The following ZNF592 variants were observed in gnomAD, a reference collection of about 807,000 sequenced individuals.
ZNF592 encodes the protein zinc finger protein 592.
ZNF592 carries 11 observed loss-of-function variants against 80.3 expected under a neutral mutation model. That is an observed-to-expected ratio of 0.14 (90% CI 0.09 to 0.23). ZNF592 has a LOEUF of 0.23. Ranked by LOEUF, ZNF592 falls within the 10% of genes least tolerant of loss-of-function variation. The pLI is 1.00. For synonymous variants in ZNF592, 646 were observed against 640.3 expected (o/e 1.01, Z -0.13); for missense variants, 1,420 against 1,633.9 (o/e 0.87, Z 2.26).
At position 84,802,419 on chromosome 15, in the gene ZNF592, CA is replaced by C; in HGVS notation, c.*27del. 5.6e-6 allele frequency: 9 copies of C among 1,612,390 alleles called. No homozygotes were observed. Among genetic ancestry groups the C allele is most frequent in the African/African-American group, 1.3e-5 (1 of 75,022 alleles). ...CCGGAGACTTTGCAGTGTGCATGGTCAGGGGTGGTGCCGAAGTGTCTTCCAC... is the reference window on the plus strand; with the variant it reads ...CCGGAGACTTTGCAGTGTGCATGGTCGGGGTGGTGCCGAAGTGTCTTCCAC... On this transcript the variant is annotated 3_prime_UTR_variant, in exon 11 of 11. Transcript: ENST00000560079.
At chr15:84,776,527 G>A (rs994765576) in intron 2 of ZNF592, among the ~76,000 whole-genome samples, 2 of 152,118 alleles carry the variant, frequency 1.3e-5, no homozygotes, top group Non-Finnish European at 1.5e-5. Context: ...AGGCCAAGGT[G>A]GGTGGATCAC....
At position 84,783,929 on chromosome 15, in the gene ZNF592, C is replaced by T. The variant is rs777705206; in HGVS notation, c.1254C>T (p.Pro418=). The stretch of plus-strand genomic sequence containing the variant: ...TAGGGAGCGCCATTGCAGAGGCCCC[C>T]AGCGAGATGCCAGGGGATGAGGTGC... ...SPLGSAIAEA[P]SEMPGDEVPV... is the part of the protein sequence containing the mutation. The change falls in exon 4 of 11, where the codon CCC becomes CCT. Residue 418 remains proline, a synonymous_variant. Coordinates refer to ENST00000560079, the MANE Select transcript of ZNF592 (RefSeq NM_014630.3). The surrounding 1 kb of genome is among the most constrained non-coding windows in gnomAD (Gnocchi z 5.0). 1 of 1,614,086 alleles carries T rather than the reference C, an allele frequency of 6.2e-7. No homozygotes were observed. The highest frequency in any genetic ancestry group is 1.1e-5 in the South Asian group (1 of 91,088).
chr15:84,771,403 G>A (rs1044084773), intron 2 of ZNF592, among the ~76,000 whole-genome samples: 2 of 152,132 alleles, frequency 1.3e-5, no homozygotes, highest in South Asian at 2.1e-4. Context: ...GGGGTATCAG[G>A]TATTCTCTAG....
At chr15:84,765,300 A>G (rs1287692143) in intron 2 of ZNF592, among the ~76,000 whole-genome samples, 1 of 151,982 alleles carries the variant, frequency 6.6e-6, no homozygotes, top group Non-Finnish European at 1.5e-5. Flanking sequence ...TCCACCTTTG[A>G]GTGTTATGAA....
At chr15:84,759,577 T>A (rs754234745) in intron 1 of ZNF592, among the ~76,000 whole-genome samples, 3 of 152,044 alleles carry the variant, frequency 2.0e-5, no homozygotes, top group Non-Finnish European at 2.9e-5. Flanking sequence ...CATCTTAGAG[T>A]CCTGTTTTAA....
Position 84,784,598 on chromosome 15 carries a change from C to T in ZNF592, c.1923C>T (p.Ser641=), listed in dbSNP as rs1246908338. The T allele has an allele frequency of 3.1e-6, 5 of 1,614,090 alleles. No individual in the cohort carries two copies. The highest frequency in any genetic ancestry group is 4.2e-6 in the Non-Finnish European group (5 of 1,180,048). The part of the protein sequence containing the change: ...SLLRHARDHK[S]KGLVMQCSQL... ...TCCGGCACGCCCGTGACCACAAGAGCAAGGGGCTCGTCATGCAGTGTTCCC... is the reference window on the plus strand; with the variant it reads ...TCCGGCACGCCCGTGACCACAAGAGTAAGGGGCTCGTCATGCAGTGTTCCC... Residue 641 remains serine, a synonymous_variant, in exon 4 of 11, where the codon AGC becomes AGT. Coordinates refer to ENST00000560079, the MANE Select transcript of ZNF592 (RefSeq NM_014630.3). The surrounding 1 kb of genome is among the most constrained non-coding windows in gnomAD (Gnocchi z 5.8).
intron 5 of ZNF592, among the ~76,000 whole-genome samples, chr15:84,791,588 G>A (rs1962751410): frequency 6.6e-6 from 1 of 151,640 alleles, no homozygotes; most frequent in Non-Finnish European, 1.5e-5. Context: ...ACTTTTTTGT[G>A]TGTACTTATT....
rs771401818 is a variant in ZNF592 at position 84,784,181 on chromosome 15, C to T, written c.1506C>T (p.Ala502=). Residue 502 remains alanine (A), a synonymous_variant, in exon 4 of 11, where the codon GCC becomes GCT. Transcript: ENST00000560079. The surrounding 1 kb of genome is among the most constrained non-coding windows in gnomAD (Gnocchi z 5.8). ...CCCCTGCCAACCTCCTGCCCAAAGC[C>T]GTGCACTTGGCCAACCTGAACCTCG... is the stretch of plus-strand genomic sequence containing the variant. ...TLAPANLLPK[A]VHLANLNLVP... is the part of the protein sequence containing the mutation. The T allele has an allele frequency of 2.5e-5, 40 of 1,614,084 alleles. 1 individual carries two copies. The highest frequency in any genetic ancestry group is 5.3e-5 in the African/African-American group (4 of 74,956).
Position 84,790,801 on chromosome 15 carries a change from T to A in ZNF592, c.2317T>A (p.Cys773Ser). The A allele has an allele frequency of 6.2e-7, 1 of 1,613,988 alleles. No homozygotes were observed. The highest frequency in any genetic ancestry group is 8.5e-7 in the Non-Finnish European group (1 of 1,179,996). The change falls in exon 5 of 11, where the codon TGT becomes AGT. Residue 773 changes from cysteine (C) to serine (S), a missense_variant. Cys to Ser is a moderately radical substitution (Grantham distance 112). Coordinates refer to ENST00000560079, the MANE Select transcript of ZNF592 (RefSeq NM_014630.3). The stretch of plus-strand genomic sequence containing the variant: ...CAAGTCCCCCTACTGCTGCCCGGAG[T>A]GTGGGGTCCTCTGCCGCTCTGCCTA... ...AHKSPYCCPE[C>S]GVLCRSAYFQ...
At chr15:84,751,892 G>A (rs1284117519) in intron 1 of ZNF592, among the ~76,000 whole-genome samples, 2 of 152,024 alleles carry the variant, frequency 1.3e-5, no homozygotes, top group African/African-American at 2.4e-5. Flanking sequence ...GTGACAGAGC[G>A]AGACTCCATC....
At chr15:84,759,635 C>T (rs1278309945) in intron 1 of ZNF592, among the ~76,000 whole-genome samples, 1 of 152,108 alleles carries the variant, frequency 6.6e-6, no homozygotes, top group Non-Finnish European at 1.5e-5. Context: ...TACATCATCA[C>T]CAAACAGTAG....
chr15:84,789,984 C>T (rs1962696251), intron 4 of ZNF592, among the ~76,000 whole-genome samples: 1 of 152,174 alleles, frequency 6.6e-6, no homozygotes, highest in African/African-American at 2.4e-5. Context: ...TTGTACTTCC[C>T]CTGGTTTTCT....
In ZNF592 at chr15:84,759,957, C is replaced by G. The variant is rs888076283; in HGVS notation, c.-258-4750C>G. Among the ~76,000 whole-genome samples the G allele has an allele frequency of 2.1e-4, 8 of 38,430 alleles. 1 individual carries two copies. Among genetic ancestry groups the G allele is most frequent in the African/African-American group, 5.6e-4 (5 of 8,980 alleles). The allele number at this position is 38,430 out of a possible 152,430, so 25.2% of individuals were successfully genotyped here. ...AGTCTTTAAGGATTGGGGAGATTCC[C>G]CCCCCCCCCACCCTGCCATTTAAAA... is the stretch of plus-strand genomic sequence containing the variant. On this transcript the variant is annotated intron_variant, in intron 1 of 10. Transcript: ENST00000560079.
At chr15:84,796,239 A>AAATAT (rs1555431848) in intron 5 of ZNF592, among the ~76,000 whole-genome samples, 8 of 33,316 alleles carry the variant, frequency 2.4e-4, no homozygotes, top group South Asian at 1.8e-3. Flanking sequence ...AAAAAAAAAA[A>AAATAT]ATATATATAT....
intron 2 of ZNF592, among the ~76,000 whole-genome samples, chr15:84,767,180 A>G (rs1899553452): frequency 6.6e-6 from 1 of 151,752 alleles, no homozygotes; most frequent in East Asian, 1.9e-4. Flanking sequence ...TATTTTTAGT[A>G]ATTTTTTTGT....
At chr15:84,772,935 T>A (rs1363366043) in intron 2 of ZNF592, among the ~76,000 whole-genome samples, 1 of 152,234 alleles carries the variant, frequency 6.6e-6, no homozygotes, top group African/African-American at 2.4e-5. Flanking sequence ...ATTAATCTAC[T>A]ATTACTGAAC....
At chr15:84,777,137 T>C (rs1254243339) in intron 2 of ZNF592, among the ~76,000 whole-genome samples, 1 of 151,970 alleles carries the variant, frequency 6.6e-6, no homozygotes, top group Non-Finnish European at 1.5e-5. Flanking sequence ...TCTATTTTTT[T>C]TCCTTTTTGT....
chr15:84,750,084 C>T (rs1366528920), intron 1 of ZNF592, among the ~76,000 whole-genome samples: 2 of 152,172 alleles, frequency 1.3e-5, no homozygotes, highest in Non-Finnish European at 2.9e-5. Context: ...GGTGGATCGC[C>T]TGAGATCAGG....
At chr15:84,796,239 AATATAT>A (rs1285421952) in intron 5 of ZNF592, among the ~76,000 whole-genome samples, 2 of 33,310 alleles carry the variant, frequency 6.0e-5, no homozygotes, top group Admixed American at 3.5e-4. Flanking sequence ...AAAAAAAAAA[AATATAT>A]ATATATATAT....
Sources: gnomAD v4.1 joint callset for allele counts (sites outside exome capture counted in the v4.1 genomes callset) on GRCh38, gnomAD v4.1.1 for gene constraint, Gnocchi (gnomAD v3.1) non-coding constraint, MANE v1.5 for transcripts, NCBI Gene and HGNC (gene_info 2026-07-23, HGNC 2026-07-21) for gene names.